The following CEP250 variants were observed in gnomAD, a reference collection of about 807,000 sequenced individuals.
The protein encoded by CEP250 is centrosome-associated protein CEP250.
CEP250 carries 242 observed loss-of-function variants against 315.7 expected under a neutral mutation model. The observed-to-expected ratio is 0.77, with a 90% confidence interval of 0.69 to 0.85. The LOEUF (loss-of-function observed/expected upper bound fraction) is 0.85, where lower values mean the gene tolerates loss of function less well. Among genes scored for constraint, CEP250 ranks in the 40% least tolerant of loss-of-function variants. The probability of loss-of-function intolerance (pLI) is 0.00; values close to 1 mark genes in which losing one functional copy is unlikely to be tolerated. For synonymous variants in CEP250, 1,088 were observed against 1,175.0 expected (o/e 0.93, Z 1.51); for missense variants, 2,515 against 2,886.4 (o/e 0.87, Z 2.95).
intron 10 of CEP250, 53 bp from the exon 11 acceptor site, chr20:35,471,997 T>C (rs1460983176): frequency 2.7e-6 from 3 of 1,114,094 alleles, no homozygotes; most frequent in Non-Finnish European, 4.1e-6. Context: ...CCTGGAATAA[T>C]AAATTCACTT....
In CEP250 at chr20:35,459,481, G is replaced by A. The variant is rs948109621; in HGVS notation, c.-226-502G>A. The stretch of plus-strand genomic sequence containing the variant: ...ATGATGTGAAATTGCCATTTTTGTA[G>A]ATAAAAAGTAATGAGTGAGGCTGGG... On this transcript the variant is annotated intron_variant, in intron 2 of 34. Coordinates refer to ENST00000397527, the MANE Select transcript of CEP250 (RefSeq NM_007186.6). 5.9e-5 allele frequency among the ~76,000 whole-genome samples: 9 copies of A among 152,148 alleles called. No individual in the cohort carries two copies. The South Asian group carries it at 1.9e-3, about 32-fold the overall frequency.
chr20:35,504,039 A>G lies in CEP250; in HGVS notation c.5670A>G (p.Gly1890=). ...RRVQALEEVL[G]DLRAESREQE... is the part of the protein sequence containing the mutation. The stretch of plus-strand genomic sequence containing the variant: ...TCCAGGCCCTGGAGGAGGTGCTGGG[A>G]GACCTAAGGGCTGAGTCTCGGGAAC... Residue 1890 remains glycine (G), a synonymous_variant, in exon 30 of 35, where the codon GGA becomes GGG. Transcript: ENST00000397527. 1 of 1,606,784 alleles carries G rather than the reference A, an allele frequency of 6.2e-7. No homozygotes were observed. The highest frequency in any genetic ancestry group is 8.5e-7 in the Non-Finnish European group (1 of 1,176,014).
intron 23 of CEP250, among the ~76,000 whole-genome samples, 183 bp downstream of exon 23, chr20:35,493,755 G>A (rs2063761672): frequency 6.6e-6 from 1 of 152,162 alleles, no homozygotes. Flanking sequence ...GCCTGGCAGA[G>A]CCCTGGGATA....
chr20:35,480,169 A>G (rs369345682), intron 20 of CEP250, 24 bp downstream of exon 20: 20 of 1,596,932 alleles, frequency 1.3e-5, no homozygotes, highest in Non-Finnish European at 1.6e-5. Context: ...GTGGCCGGGT[A>G]TGGCCTCCCT....
rs766147776 is a variant in CEP250 at position 35,504,636 on chromosome 20, A to T, written c.6267A>T (p.Ile2089=). ...GGCAAGAGAGAGAAGAGGAGGAGATAAGGGGCCTTCATCAGAGTGTAAGGG... is the reference window on the plus strand; with the variant it reads ...GGCAAGAGAGAGAAGAGGAGGAGATTAGGGGCCTTCATCAGAGTGTAAGGG... The part of the protein sequence containing the change: ...NLGQEREEEE[I]RGLHQSVREL... Residue 2089 remains isoleucine (I), a synonymous_variant, in exon 30 of 35, where the codon ATA becomes ATT. Transcript: ENST00000397527. The T allele has an allele frequency of 6.8e-6, 11 of 1,614,142 alleles. No homozygotes were observed. Among genetic ancestry groups the T allele is most frequent in the Non-Finnish European group, 9.3e-6 (11 of 1,180,004 alleles).
intron 33 of CEP250, 28 bp downstream of exon 33, chr20:35,509,072 T>G (rs2064280752): frequency 6.5e-7 from 1 of 1,534,694 alleles, no homozygotes; most frequent in African/African-American, 1.4e-5. Context: ...AGCTGCAGCC[T>G]TAGAGAGCCC....
In CEP250 at chr20:35,518,300, C is replaced by T. The variant is rs1452593280; in HGVS notation, c.*6674C>T. On this transcript the variant is annotated 3_prime_UTR_variant, in exon 35 of 35. Coordinates refer to ENST00000397527, the MANE Select transcript of CEP250 (RefSeq NM_007186.6). The stretch of plus-strand genomic sequence containing the variant: ...CTCTGAGCTACCTCATTCCTAGACA[C>T]CTGGTGCACCACAATGTGTCAGGGA... 6.6e-6 allele frequency: 1 copy of T among 152,166 alleles called. No individual in the cohort carries two copies. Among genetic ancestry groups the T allele is most frequent in the Admixed American group, 6.5e-5 (1 of 15,276 alleles). 9.4% of individuals were successfully genotyped at this position (152,166 alleles called of 1,614,324 possible).
At chr20:35,482,260 C>G (rs2063370132) in intron 20 of CEP250, among the ~76,000 whole-genome samples, 1 of 151,892 alleles carries the variant, frequency 6.6e-6, no homozygotes, top group African/African-American at 2.4e-5. Flanking sequence ...GAGACGGAGT[C>G]TCGCTCTGTT....
At position 35,465,835 on chromosome 20, in the gene CEP250, C is replaced by T. The variant is rs898157812; in HGVS notation, c.326+10C>T. On this transcript the variant is annotated intron_variant, in intron 6 of 34. Coordinates refer to ENST00000397527, the MANE Select transcript of CEP250 (RefSeq NM_007186.6). ...AGGAGGAGCAACAGAGGTGATGGAC[C>T]CCAAACTTTCTGACCTGGGTGATTG... The T allele has an allele frequency of 1.2e-6, 2 of 1,600,182 alleles. No individual in the cohort carries two copies. The highest frequency in any genetic ancestry group is 1.7e-6 in the Non-Finnish European group (2 of 1,174,114).
chr20:35,482,452 G>T (rs1293347053), intron 20 of CEP250, among the ~76,000 whole-genome samples: 1 of 151,854 alleles, frequency 6.6e-6, no homozygotes, highest in East Asian at 1.9e-4. Flanking sequence ...TGTTAGCCAG[G>T]ATGGTCTCGA....
In CEP250 at chr20:35,498,076, G is replaced by T; in HGVS notation, c.3655+9G>T. ...CTGGGGCCTTGAGCCAGGTGAGACA[G>T]CCTCCCCAGAACTAGGTCCTTTGGG... On this transcript the variant is annotated intron_variant, in intron 26 of 34. Coordinates refer to ENST00000397527, the MANE Select transcript of CEP250 (RefSeq NM_007186.6). 6.5e-7 allele frequency: 1 copy of T among 1,544,904 alleles called. No homozygotes were observed. Among genetic ancestry groups the T allele is most frequent in the Non-Finnish European group, 8.7e-7 (1 of 1,144,982 alleles).
chr20:35,455,584 C>T (rs1189288553), upstream of CEP250: 1 of 152,126 alleles, frequency 6.6e-6, no homozygotes, highest in East Asian at 1.9e-4. Flanking sequence ...TGCACGTAAT[C>T]TATCCGAAAG....
intron 20 of CEP250, among the ~76,000 whole-genome samples, chr20:35,480,590 CT>C (rs559422487): frequency 3.2e-3 from 395 of 122,126 alleles, no homozygotes; most frequent in African/African-American, 6.7e-3. Context: ...TTTTTTATAT[CT>C]TTTTTTTTTT....
chr20:35,456,447 G>T (rs1437388275), intron 1 of CEP250, among the ~76,000 whole-genome samples: 1 of 152,196 alleles, frequency 6.6e-6, no homozygotes, highest in African/African-American at 2.4e-5. Context: ...CTAGGCTTGT[G>T]ATCAGTATTT....
At chr20:35,474,647 A>G (rs1601164042) in intron 14 of CEP250, 6 of 387,012 alleles carry the variant, frequency 1.6e-5, no homozygotes, top group South Asian at 9.8e-5. Flanking sequence ...GAAATCCAGA[A>G]TCAATGGCCC....
rs35395621 is a variant in CEP250, at chr20:35,474,093, T to C, written c.1571+41T>C. On this transcript the variant is annotated intron_variant, in intron 14 of 34. Coordinates refer to ENST00000397527, the MANE Select transcript of CEP250 (RefSeq NM_007186.6). ...CTCCTCCTCGCTGGGCCCTGGTCTT[T>C]CTTCAATTCTACACCCTCCCCGTCT... The C allele has an allele frequency of 0.06, 86,274 of 1,449,312 alleles. 2,906 individuals are homozygous for C. Among genetic ancestry groups the C allele is most frequent in the Non-Finnish European group, 0.067 (73,675 of 1,093,402 alleles). The allele number at this position is 1,449,312 out of a possible 1,614,324, so 89.8% of individuals were successfully genotyped here. A position where few individuals can be genotyped will look rare whatever the true frequency, so the allele number is the denominator to read the frequency against.
chr20:35,506,720 C>T (rs7274597), intron 30 of CEP250, among the ~76,000 whole-genome samples: 18,301 of 152,056 alleles, frequency 0.12, 1,354 homozygotes, highest in African/African-American at 0.21. Context: ...TACAGTAGTG[C>T]GGCTTATCAG....
chr20:35,470,453 A>G (rs368271895), intron 10 of CEP250, among the ~76,000 whole-genome samples: 11 of 152,314 alleles, frequency 7.2e-5, no homozygotes, highest in African/African-American at 2.6e-4. Context: ...CGCTGGGAAA[A>G]GAGAGTTTAT....
At chr20:35,462,608 G>T in intron 4 of CEP250, 55 bp downstream of exon 4, 2 of 1,467,058 alleles carry the variant, frequency 1.4e-6, no homozygotes, top group East Asian at 2.5e-5. Flanking sequence ...AGAGCTAGGT[G>T]CTGAGGTGAG....
Sources: gnomAD v4.1 joint callset for allele counts (sites outside exome capture counted in the v4.1 genomes callset) on GRCh38, gnomAD v4.1.1 for gene constraint, MANE v1.5 for transcripts, NCBI Gene and HGNC (gene_info 2026-07-23, HGNC 2026-07-21) for gene names.